The following C8orf74 variants were observed in gnomAD, a reference collection of about 807,000 sequenced individuals.
C8orf74 encodes uncharacterized protein C8orf74.
In C8orf74, 29 loss-of-function variants were observed where a neutral mutation model predicts 22.2. The observed-to-expected ratio is 1.31, with a 90% CI of 0.97 to 1.78. The LOEUF is 1.78. C8orf74 is among the 40% of genes most tolerant of loss of function. The pLI, the probability that C8orf74 is intolerant of heterozygous loss-of-function variation, is 0.00. For missense variants in C8orf74, 515 were observed against 369.9 expected, an observed-to-expected ratio of 1.39 and a Z score of -3.22; for synonymous variants, 255 against 163.1, an observed-to-expected ratio of 1.56 and a Z score of -4.30.
rs760505656 is a variant in C8orf74 at position 10,674,736 on chromosome 8, A to G, written c.139A>G (p.Thr47Ala). The G allele has an allele frequency of 6.2e-7, 1 of 1,607,256 alleles. No individual in the cohort carries two copies. The highest frequency in any genetic ancestry group is 1.1e-5 in the South Asian group (1 of 89,418). ...CTCCCGGAGGAGCATCCTGCTGGAC[A>G]CCCTCTACGAGAGCATCATCTTTGC... ...RDSRRSILLD[T>A]LYESIIFAVG... Residue 47 changes from threonine (T) to alanine (A), a missense_variant, in exon 2 of 4, where the codon ACC becomes GCC. Thr to Ala is a moderately conservative substitution (Grantham distance 58). Transcript: ENST00000304519.
At chr8:10,698,062 A>C in intron 3 of C8orf74, 57 bp downstream of exon 3, 2 of 1,418,318 alleles carry the variant, frequency 1.4e-6, no homozygotes, top group Non-Finnish European at 1.8e-6. Flanking sequence ...GACACCAGCC[A>C]GGGCTGGAGT....
intron 2 of C8orf74, among the ~76,000 whole-genome samples, 176 bp downstream of exon 2, chr8:10,675,014 C>T (rs543086709): frequency 1.3e-5 from 2 of 152,346 alleles, no homozygotes; most frequent in African/African-American, 4.8e-5. Flanking sequence ...CTCAGCCTTC[C>T]CAAACATCCT....
At chr8:10,691,486 CAGGCTG>C in intron 2 of C8orf74, 3 of 157,414 alleles carry the variant, frequency 1.9e-5, no homozygotes, top group Non-Finnish European at 4.2e-5. Flanking sequence ...CAGGCCAGGC[CAGGCTG>C]GAGGAGGAGC....
intron 2 of C8orf74, chr8:10,675,562 C>A (rs1481761058): frequency 6.6e-6 from 1 of 152,186 alleles, no homozygotes; most frequent in Admixed American, 6.5e-5. Flanking sequence ...CCCACAACAT[C>A]CTTCGTAGTG....
intron 2 of C8orf74, among the ~76,000 whole-genome samples, chr8:10,696,957 C>G (rs369346755): frequency 1.0e-5 from 1 of 97,274 alleles, no homozygotes; most frequent in African/African-American, 1.0e-4. Context: ...CCCAGGAGTT[C>G]GAAAAAAAAA....
At chr8:10,673,228 G>A (rs535693411) in intron 1 of C8orf74, among the ~76,000 whole-genome samples, 19 of 152,232 alleles carry the variant, frequency 1.2e-4, no homozygotes, top group African/African-American at 3.4e-4. Flanking sequence ...ACACTCTTGC[G>A]TGTGGTGGGT....
intron 2 of C8orf74, among the ~76,000 whole-genome samples, chr8:10,679,601 G>A (rs1042555736): frequency 1.3e-5 from 2 of 152,114 alleles, no homozygotes; most frequent in Non-Finnish European, 1.5e-5. Flanking sequence ...GCCTCTCCCC[G>A]TCCTTGGATC....
chr8:10,679,244 C>A (rs937182800), intron 2 of C8orf74, among the ~76,000 whole-genome samples: 7 of 152,146 alleles, frequency 4.6e-5, no homozygotes, highest in Non-Finnish European at 1.0e-4. Flanking sequence ...TGAAAGTGTG[C>A]ACTGGAGTCG....
chr8:10,691,019 C>A (rs1206373844), intron 2 of C8orf74: 1 of 441,520 alleles, frequency 2.3e-6, no homozygotes, highest in Non-Finnish European at 4.6e-6. Context: ...CTTAATCCCT[C>A]CACTTTCTGA....
At chr8:10,698,042 G>C in intron 3 of C8orf74, 37 bp downstream of exon 3, 7 of 1,438,870 alleles carry the variant, frequency 4.9e-6, no homozygotes, top group Non-Finnish European at 6.4e-6. Flanking sequence ...TGGGCACCTG[G>C]GCCTGCAGAG....
rs925047593 is a variant in C8orf74 at position 10,699,499 on chromosome 8, C to A, written c.649-736C>A. On this transcript the variant is annotated intron_variant, in intron 3 of 3. Coordinates refer to ENST00000304519, the MANE Select transcript of C8orf74 (RefSeq NM_001040032.2). ...ATCCAACCAGTTGCTTCCAGTGTGT[C>A]CCCTGACAATAGCTCCTATGCTGTG... 4.6e-5 allele frequency among the ~76,000 whole-genome samples: 7 copies of A among 152,338 alleles called. 1 individual carries two copies. In the Middle Eastern group the frequency reaches 0.01, roughly 222 times the overall value.
chr8:10,682,956 T>G (rs1378453928), intron 2 of C8orf74, among the ~76,000 whole-genome samples: 1 of 152,230 alleles, frequency 6.6e-6, no homozygotes, highest in Non-Finnish European at 1.5e-5. Flanking sequence ...CTGGAGAGAT[T>G]GGGTAACTTG....
intron 2 of C8orf74, among the ~76,000 whole-genome samples, chr8:10,682,010 T>A (rs1344827592): frequency 6.6e-6 from 1 of 152,190 alleles, no homozygotes; most frequent in Non-Finnish European, 1.5e-5. Flanking sequence ...GCATGACAGT[T>A]CTTGTGGGGA....
At chr8:10,690,408 G>A (rs1482345479) in intron 2 of C8orf74, among the ~76,000 whole-genome samples, 2 of 152,188 alleles carry the variant, frequency 1.3e-5, no homozygotes, top group African/African-American at 4.8e-5. Context: ...AAGGGGGCAG[G>A]GGGCAATGCG....
In C8orf74 at chr8:10,700,367, G is replaced by GCCCCCCCCCCCAAAACCCCCC; in HGVS notation, c.786_787insCCCCCCAAAACCCCCCCCCCC (p.Pro262_Thr263insProProLysThrProProPro). 1.3e-6 allele frequency: 2 copies of GCCCCCCCCCCCAAAACCCCCC among 1,590,938 alleles called. No homozygotes were observed. Among genetic ancestry groups the GCCCCCCCCCCCAAAACCCCCC allele is most frequent in the Non-Finnish European group, 1.7e-6 (2 of 1,159,768 alleles). On this transcript the variant is annotated inframe_insertion, in exon 4 of 4. Transcript: ENST00000304519. ...TCAGAAGAAGACTCTGAACCTCAAC[G>GCCCCCCCCCCCAAAACCCCCC]CCCCCACCCCTATCCCGCCCCCCAT...
chr8:10,685,074 C>G (rs1436052256), intron 2 of C8orf74, among the ~76,000 whole-genome samples: 2 of 152,330 alleles, frequency 1.3e-5, no homozygotes, highest in East Asian at 3.9e-4. Flanking sequence ...ACATCTAAAA[C>G]TTATGAACTA....
chr8:10,689,656 A>T (rs961072754), intron 2 of C8orf74: 3 of 152,200 alleles, frequency 2.0e-5, no homozygotes, highest in Non-Finnish European at 2.9e-5. Context: ...CCTACCGTTG[A>T]CCAGAAGCTT....
chr8:10,674,627 C>A lies in C8orf74; in HGVS notation c.49-19C>A, dbSNP rs776844704. The A allele has an allele frequency of 3.8e-6, 6 of 1,591,460 alleles. No homozygotes were observed. The highest frequency in any genetic ancestry group is 5.1e-6 in the Non-Finnish European group (6 of 1,168,594). ...AACCCCCACATCATACCCTGCAGTT[C>A]CCATGTCATTCCCTGCAGAGACCAC... On this transcript the variant is annotated intron_variant, in intron 1 of 3. Coordinates refer to ENST00000304519, the MANE Select transcript of C8orf74 (RefSeq NM_001040032.2).
At chr8:10,699,130 C>A (rs1343517271) in intron 3 of C8orf74, among the ~76,000 whole-genome samples, 2 of 152,232 alleles carry the variant, frequency 1.3e-5, no homozygotes, top group African/African-American at 4.8e-5. Context: ...TGCTCTAGCA[C>A]ACGGAGCAGG....
Sources: allele counts gnomAD v4.1 joint callset (sites outside exome capture counted in the v4.1 genomes callset), GRCh38; gene constraint gnomAD v4.1.1; transcripts MANE v1.5; gene names NCBI Gene and HGNC (gene_info 2026-07-23, HGNC 2026-07-21).